TTC1: variants seen among roughly 807,000 people sequenced by gnomAD.
The protein encoded by TTC1 is tetratricopeptide repeat protein 1.
TTC1 carries 31 observed loss-of-function variants against 37.6 expected under a neutral mutation model. The observed-to-expected ratio is 0.82, with a 90% CI of 0.62 to 1.11. The LOEUF (loss-of-function observed/expected upper bound fraction) is 1.11, where lower values mean the gene tolerates loss of function less well. Among genes scored for constraint, TTC1 ranks in the 50% most tolerant of loss-of-function variants. The pLI, the probability that TTC1 is intolerant of heterozygous loss-of-function variation, is 0.00. For missense variants in TTC1, 351 were observed against 339.0 expected, an observed-to-expected ratio of 1.04 and a Z score of -0.28; for synonymous variants, 127 against 122.4, an observed-to-expected ratio of 1.04 and a Z score of -0.25.
chr5:160,046,883 G>A lies in TTC1; in HGVS notation c.542-2631G>A, dbSNP rs148408238. On this transcript the variant is annotated intron_variant, in intron 5 of 7. Transcript: ENST00000231238. ...AAAAATTAGCAGGGCATGGCGGCAC[G>A]TGCCTGTAATCCCAGCTACTCAGGA... Among the ~76,000 whole-genome samples, 683 of 152,082 alleles carry A rather than the reference G, an allele frequency of 4.5e-3. 7 individuals carry two copies. Among genetic ancestry groups the A allele is most frequent in the African/African-American group, 0.016 (665 of 41,464 alleles).
intron 1 of TTC1, 39 bp from the exon 2 acceptor site, chr5:160,010,461 A>G (rs921381698): frequency 6.7e-5 from 92 of 1,365,616 alleles, no homozygotes; most frequent in Middle Eastern, 2.1e-4. Flanking sequence ...TAAAAATACA[A>G]GCACCATTAT....
At chr5:160,013,689 G>A (rs933324082) in intron 2 of TTC1, among the ~76,000 whole-genome samples, 15 of 150,690 alleles carry the variant, frequency 1.0e-4, no homozygotes, top group Non-Finnish European at 2.1e-4. Context: ...GTTATAGTGA[G>A]CTGAGATCAG....
chr5:160,051,084 T>G (rs1188121924), intron 6 of TTC1, 45 bp from the exon 7 acceptor site: 39 of 375,558 alleles, frequency 1.0e-4, no homozygotes, highest in South Asian at 2.1e-4. Context: ...AGGTTTTGGT[T>G]TTTTTTTTTT....
intron 2 of TTC1, among the ~76,000 whole-genome samples, chr5:160,016,220 A>G (rs899477305): frequency 6.6e-6 from 1 of 152,180 alleles, no homozygotes; most frequent in African/African-American, 2.4e-5. Flanking sequence ...TCTACTAAAA[A>G]TACAAAAATT....
chr5:160,043,273 G>A, intron 5 of TTC1, 104 bp downstream of exon 5: 1 of 1,229,300 alleles, frequency 8.1e-7, no homozygotes, highest in Middle Eastern at 2.0e-4. Flanking sequence ...CCTTCCTCTG[G>A]GGCCTTGCAA....
Position 160,036,310 on chromosome 5 carries a change from A to T in TTC1, c.392-381A>T, listed in dbSNP as rs1756998110. Reference sequence around the variant, plus strand: ...TTTTTTTCTTTATCTCAGGCCATGGATCCCAGAGTTTAGTCTCTTTCCTCT... The same window carrying T: ...TTTTTTTCTTTATCTCAGGCCATGGTTCCCAGAGTTTAGTCTCTTTCCTCT... On this transcript the variant is annotated intron_variant, in intron 3 of 7. Coordinates refer to ENST00000231238, the MANE Select transcript of TTC1 (RefSeq NM_003314.3). Among the ~76,000 whole-genome samples the T allele has an allele frequency of 2.0e-5, 3 of 152,168 alleles. No homozygotes were observed. In the South Asian group the frequency reaches 6.2e-4, roughly 31 times the overall value.
chr5:160,040,833 C>T (rs1757077485), intron 4 of TTC1, among the ~76,000 whole-genome samples: 1 of 151,722 alleles, frequency 6.6e-6, no homozygotes, highest in East Asian at 1.9e-4. Context: ...TAGTCTTGAA[C>T]TCCTGGCCTC....
At chr5:160,024,266 A>G (rs566749021) in intron 2 of TTC1, among the ~76,000 whole-genome samples, 42 of 152,294 alleles carry the variant, frequency 2.8e-4, no homozygotes, top group African/African-American at 9.1e-4. Context: ...TTAACTTTTT[A>G]TTTTTGAAAT....
chr5:160,060,040 G>A (rs1471865155), intron 7 of TTC1, among the ~76,000 whole-genome samples: 2 of 152,224 alleles, frequency 1.3e-5, no homozygotes, highest in African/African-American at 4.8e-5. Flanking sequence ...TCCTTTCTAT[G>A]CTGGGCTCTC....
At chr5:160,016,185 C>T (rs904268789) in intron 2 of TTC1, among the ~76,000 whole-genome samples, 1 of 152,188 alleles carries the variant, frequency 6.6e-6, no homozygotes, top group East Asian at 1.9e-4. Flanking sequence ...CAAGACCAGC[C>T]TGGCCAACAT....
chr5:160,015,300 C>T (rs1756580449), intron 2 of TTC1, among the ~76,000 whole-genome samples: 1 of 152,164 alleles, frequency 6.6e-6, no homozygotes, highest in South Asian at 2.1e-4. Context: ...GCTTCAACCT[C>T]CTGGGCTCAA....
intron 2 of TTC1, among the ~76,000 whole-genome samples, chr5:160,020,662 C>A (rs1304047259): frequency 2.0e-5 from 3 of 152,210 alleles, no homozygotes; most frequent in African/African-American, 7.2e-5. Flanking sequence ...GGCTTGTGAA[C>A]CCTGTTGTGA....
intron 1 of TTC1, among the ~76,000 whole-genome samples, chr5:160,009,632 C>T (rs1007758872): frequency 1.3e-5 from 2 of 152,164 alleles, no homozygotes; most frequent in African/African-American, 4.8e-5. Context: ...GATGCCCTTG[C>T]TTGACGCGAC....
At chr5:160,062,661 C>T (rs750812199) in intron 7 of TTC1, among the ~76,000 whole-genome samples, 10 of 152,182 alleles carry the variant, frequency 6.6e-5, no homozygotes, top group Non-Finnish European at 1.3e-4. Flanking sequence ...AGTGGACCAT[C>T]CAGAGTAGGC....
In TTC1 at chr5:160,064,923, A is replaced by G; in HGVS notation, c.746-9A>G. On this transcript the variant is annotated splice_polypyrimidine_tract_variant and intron_variant, in intron 7 of 7. Coordinates refer to ENST00000231238, the MANE Select transcript of TTC1 (RefSeq NM_003314.3). ...TGTATTCATTTGAGTTTTTGCTTTT[A>G]CATTACAGGTAAATTAAAAGATCTT... is the stretch of plus-strand genomic sequence containing the variant. 2 of 1,604,016 alleles carry G rather than the reference A, an allele frequency of 1.2e-6. No individual in the cohort carries two copies. The highest frequency in any genetic ancestry group is 1.7e-6 in the Non-Finnish European group (2 of 1,177,678).
chr5:160,062,531 A>G (rs1753451501), intron 7 of TTC1, among the ~76,000 whole-genome samples: 1 of 152,188 alleles, frequency 6.6e-6, no homozygotes. Context: ...TATTCTTTAC[A>G]TCCCAGTGGC....
At chr5:160,051,461 A>T (rs970156110) in intron 7 of TTC1, among the ~76,000 whole-genome samples, 22 of 152,174 alleles carry the variant, frequency 1.4e-4, no homozygotes, top group Admixed American at 5.2e-4. Flanking sequence ...CTTAAATGGG[A>T]TTTAAAATCC....
At position 160,062,984 on chromosome 5, in the gene TTC1, C is replaced by T. The variant is rs77257262; in HGVS notation, c.746-1948C>T. Among the ~76,000 whole-genome samples, 6 of 152,272 alleles carry T rather than the reference C, an allele frequency of 3.9e-5. No homozygotes were observed. The East Asian group carries it at 7.7e-4, about 20-fold the overall frequency. ...GCTGTGCCGCTGCCTTGTGCAGGCA[C>T]CCAGGGTTTATGCCAGTGATTTCCT... On this transcript the variant is annotated intron_variant, in intron 7 of 7. Transcript: ENST00000231238.
At chr5:160,024,597 A>G (rs1434911866) in intron 2 of TTC1, among the ~76,000 whole-genome samples, 1 of 152,134 alleles carries the variant, frequency 6.6e-6, no homozygotes, top group Non-Finnish European at 1.5e-5. Flanking sequence ...TACGGGCTCA[A>G]GTGATCCTCC....
Sources: allele counts gnomAD v4.1 joint callset (sites outside exome capture counted in the v4.1 genomes callset), GRCh38; gene constraint gnomAD v4.1.1; transcripts MANE v1.5; gene names NCBI Gene and HGNC (gene_info 2026-07-23, HGNC 2026-07-21).